TMEM156: variants seen among roughly 807,000 people sequenced by gnomAD.
TMEM156 encodes transmembrane protein 156.
In TMEM156, 28 loss-of-function variants were observed where a neutral mutation model predicts 30.5. The observed-to-expected ratio is 0.92, with a 90% CI of 0.68 to 1.26. The LOEUF (loss-of-function observed/expected upper bound fraction) is 1.26, where lower values mean the gene tolerates loss of function less well. Ranked by LOEUF, TMEM156 falls within the 50% of genes most tolerant of loss-of-function variation. TMEM156 has a pLI of 0.00. For missense variants in TMEM156, 351 were observed against 340.6 expected, an observed-to-expected ratio of 1.03 and a Z score of -0.24; for synonymous variants, 137 against 119.9, an observed-to-expected ratio of 1.14 and a Z score of -0.93.
rs764462459 is a variant in TMEM156 at position 38,993,776 on chromosome 4, C to T, written c.581G>A (p.Cys194Tyr). 1 of 1,613,234 alleles carries T rather than the reference C, an allele frequency of 6.2e-7. No homozygotes were observed. Among genetic ancestry groups the T allele is most frequent in the Admixed American group, 1.7e-5 (1 of 60,026 alleles). The change falls in exon 3 of 7, where the codon TGT becomes TAT. Residue 194 changes from cysteine (C) to tyrosine (Y), a missense_variant. Physicochemically the swap from Cys to Tyr is radical, Grantham distance 194. Transcript: ENST00000381938. ...CTCTAGGTGCAAAGAAATGTGTATACAATCATTCGGGTATTCCATGATTCT... is the reference window on the plus strand; with the variant it reads ...CTCTAGGTGCAAAGAAATGTGTATATAATCATTCGGGTATTCCATGATTCT... ...TCRIMEYPND[C>Y]IHISLHLEMD... is the part of the protein sequence containing the mutation.
chr4:38,977,747 A>T (rs1322570120), intron 5 of TMEM156, among the ~76,000 whole-genome samples: 2 of 152,196 alleles, frequency 1.3e-5, no homozygotes, highest in Non-Finnish European at 2.9e-5. Context: ...AAACAGCCTT[A>T]AAAAAATTTT....
intron 5 of TMEM156, among the ~76,000 whole-genome samples, chr4:38,974,807 A>T (rs1722770430): frequency 6.6e-6 from 1 of 151,756 alleles, no homozygotes; most frequent in East Asian, 1.9e-4. Context: ...AGTAGCTGGG[A>T]TTACAGGCAC....
In TMEM156 at chr4:38,992,768, TTTTG is replaced by T. The variant is rs1368080422; in HGVS notation, c.619+966_619+969del. On this transcript the variant is annotated intron_variant, in intron 3 of 6. Transcript: ENST00000381938. ...ATATATTATATATATATATATTTTTTTTTGTCTTTTCAAGACAGAGTCTCACTCT... is the reference window on the plus strand; with the variant it reads ...ATATATTATATATATATATATTTTTTTCTTTTCAAGACAGAGTCTCACTCT... Among the ~76,000 whole-genome samples, 419 of 94,200 alleles carry T rather than the reference TTTTG, an allele frequency of 4.4e-3. 3 individuals are homozygous for T. Among genetic ancestry groups the T allele is most frequent in the East Asian group, 0.03 (85 of 2,812 alleles). 61.8% of individuals were successfully genotyped at this position (94,200 alleles called of 152,430 possible).
chr4:38,998,543 CAA>C (rs199767864), intron 2 of TMEM156, 95 bp downstream of exon 2: 1,607 of 942,456 alleles, frequency 1.7e-3, no homozygotes, highest in South Asian at 2.7e-3. Context: ...GACTCCATCT[CAA>C]AAAAAAAAAA....
chr4:39,011,135 G>T (rs1460790653), intron 1 of TMEM156, among the ~76,000 whole-genome samples: 1 of 152,048 alleles, frequency 6.6e-6, no homozygotes, highest in Non-Finnish European at 1.5e-5. Flanking sequence ...TATCCAAGCA[G>T]CCAACAAATA....
chr4:39,008,111 T>G (rs1369436852), intron 1 of TMEM156, among the ~76,000 whole-genome samples: 4 of 152,210 alleles, frequency 2.6e-5, no homozygotes, highest in African/African-American at 9.6e-5. Context: ...TTCATACTTT[T>G]TATTTCTTAT....
At position 38,971,121 on chromosome 4, in the gene TMEM156, C is replaced by T. The variant is rs905373166; in HGVS notation, c.840G>A (p.Arg280=). 2.5e-6 allele frequency: 4 copies of T among 1,613,974 alleles called. No individual in the cohort carries two copies. Among genetic ancestry groups the T allele is most frequent in the Non-Finnish European group, 3.4e-6 (4 of 1,179,898 alleles). ...CTTCCTGGACTTGATCCAAAGGCAG[C>T]CTCTGCGTGGTCTCTGCTATTTAAG... ...VQVLSAETTQ[R]LPLDQVQEVL... Residue 280 remains arginine (R), a synonymous_variant, in exon 6 of 7, where the codon AGG becomes AGA. Coordinates refer to ENST00000381938, the MANE Select transcript of TMEM156 (RefSeq NM_024943.3).
chr4:39,017,420 C>A (rs1234467100), intron 1 of TMEM156, among the ~76,000 whole-genome samples: 2 of 152,008 alleles, frequency 1.3e-5, no homozygotes, highest in African/African-American at 4.8e-5. Context: ...ACCCCGTGAT[C>A]CACCTGTCTC....
intron 1 of TMEM156, among the ~76,000 whole-genome samples, chr4:39,009,174 ACAACCTCC>A (rs1279304166): frequency 6.6e-6 from 1 of 152,096 alleles, no homozygotes; most frequent in East Asian, 1.9e-4. Flanking sequence ...CTGGAAACAC[ACAACCTCC>A]CAAGACTGAA....
At chr4:39,005,953 T>TGG (rs1713700551) in intron 1 of TMEM156, among the ~76,000 whole-genome samples, 1 of 152,168 alleles carries the variant, frequency 6.6e-6, no homozygotes, top group Admixed American at 6.5e-5. Flanking sequence ...TGGAGTGCAG[T>TGG]GGTACGATCT....
chr4:38,994,070 C>T (rs1712750421), intron 2 of TMEM156, 72 bp from the exon 3 acceptor site: 1 of 1,329,954 alleles, frequency 7.5e-7, no homozygotes, highest in Admixed American at 2.1e-5. Flanking sequence ...CAATTCAAAA[C>T]TAAATCTCTT....
chr4:38,990,830 G>GTTTTT lies in TMEM156; in HGVS notation c.620-1865_620-1861dup, dbSNP rs71304784. Among the ~76,000 whole-genome samples the GTTTTT allele has an allele frequency of 9.6e-3, 781 of 81,078 alleles. 46 individuals carry two copies. Among genetic ancestry groups the GTTTTT allele is most frequent in the African/African-American group, 0.02 (438 of 21,598 alleles). The allele number at this position is 81,078 out of a possible 152,430, so 53.2% of individuals were successfully genotyped here. ...CTTTGTTTTTTTGGTTTGTTTTCTG[G>GTTTTT]TTTTTTTTTTTTTTTTTTTTTTTGA... is the stretch of plus-strand genomic sequence containing the variant. On this transcript the variant is annotated intron_variant, in intron 3 of 6. Transcript: ENST00000381938.
intron 1 of TMEM156, among the ~76,000 whole-genome samples, chr4:39,014,650 C>T (rs1256347528): frequency 4.0e-5 from 6 of 151,090 alleles, no homozygotes; most frequent in East Asian, 1.9e-4. Flanking sequence ...TCCAGCTACT[C>T]GGGAGGCTGA....
At chr4:38,973,221 G>A (rs1262355403) in intron 5 of TMEM156, among the ~76,000 whole-genome samples, 1 of 151,888 alleles carries the variant, frequency 6.6e-6, no homozygotes, top group Non-Finnish European at 1.5e-5. Flanking sequence ...TTTTTTCCTG[G>A]CTATTACTCA....
intron 1 of TMEM156, among the ~76,000 whole-genome samples, chr4:39,029,906 C>CA (rs1715417877): frequency 6.6e-6 from 1 of 151,886 alleles, no homozygotes; most frequent in Admixed American, 6.6e-5. Flanking sequence ...TACACAATTG[C>CA]ATGTGTATAA....
At chr4:38,998,573 C>T (rs1359670051) in intron 2 of TMEM156, 67 bp downstream of exon 2, 6 of 1,350,682 alleles carry the variant, frequency 4.4e-6, no homozygotes, top group Admixed American at 3.0e-5. Flanking sequence ...ATTATTAATA[C>T]GTTTTTAACA....
At chr4:38,989,675 T>C (rs1712276515) in intron 3 of TMEM156, among the ~76,000 whole-genome samples, 1 of 152,210 alleles carries the variant, frequency 6.6e-6, no homozygotes, top group African/African-American at 2.4e-5. Flanking sequence ...TCCCATGGTC[T>C]CATAAAGACA....
chr4:38,993,265 A>G lies in TMEM156; in HGVS notation c.619+473T>C, dbSNP rs533164291. ...GGCAACATGACAAGACCCCGTCTCTACTAAAAATACAAAAAATTAACCAGG... is the reference window on the plus strand; with the variant it reads ...GGCAACATGACAAGACCCCGTCTCTGCTAAAAATACAAAAAATTAACCAGG... On this transcript the variant is annotated intron_variant, in intron 3 of 6. Transcript: ENST00000381938. Among the ~76,000 whole-genome samples, 3 of 152,100 alleles carry G rather than the reference A, an allele frequency of 2.0e-5. No homozygotes were observed. In the South Asian group the frequency reaches 6.2e-4, roughly 32 times the overall value.
chr4:39,014,104 G>C (rs1480062880), intron 1 of TMEM156, among the ~76,000 whole-genome samples: 1 of 152,052 alleles, frequency 6.6e-6, no homozygotes, highest in Non-Finnish European at 1.5e-5. Context: ...TAATTTTTAT[G>C]TCATAAAATA....
Sources: allele counts gnomAD v4.1 joint callset (sites outside exome capture counted in the v4.1 genomes callset), GRCh38; gene constraint gnomAD v4.1.1; transcripts MANE v1.5; gene names NCBI Gene and HGNC (gene_info 2026-07-23, HGNC 2026-07-21).